ZNF90: variants seen among roughly 807,000 people sequenced by gnomAD.
ZNF90 encodes the protein zinc finger protein HTF9.
Under a neutral mutation model 12.0 loss-of-function variants are expected in ZNF90, and 11 were observed. The observed-to-expected ratio is 0.92, with a 90% confidence interval of 0.58 to 1.52. The LOEUF (loss-of-function observed/expected upper bound fraction) is 1.52, where lower values mean the gene tolerates loss of function less well. ZNF90 is among the 40% of genes most tolerant of loss of function. The pLI, the probability that ZNF90 is intolerant of heterozygous loss-of-function variation, is 0.00. For missense variants in ZNF90, 765 were observed against 711.5 expected (o/e 1.08, Z -0.86); for synonymous variants, 232 against 240.1 (o/e 0.97, Z 0.31).
At chr19:20,102,577 A>T (rs953901492) in intron 1 of ZNF90, among the ~76,000 whole-genome samples, 10 of 152,228 alleles carry the variant, frequency 6.6e-5, no homozygotes, top group African/African-American at 2.4e-4. Context: ...TGCCTTGCTG[A>T]GATGTTCTCT....
chr19:20,080,175 G>T, intron 1 of ZNF90: 1 of 475,798 alleles, frequency 2.1e-6, no homozygotes, highest in Non-Finnish European at 4.1e-6. Context: ...AAGAATTGCT[G>T]CCCAGGGGCA....
At chr19:20,114,030 C>T (rs929595329) in intron 3 of ZNF90, among the ~76,000 whole-genome samples, 3 of 152,182 alleles carry the variant, frequency 2.0e-5, no homozygotes, top group East Asian at 1.9e-4. Flanking sequence ...GGGTGGCTTA[C>T]GCCTGTAATC....
At chr19:20,081,986 G>A (rs1173479602) in intron 1 of ZNF90, among the ~76,000 whole-genome samples, 1 of 151,530 alleles carries the variant, frequency 6.6e-6, no homozygotes, top group Non-Finnish European at 1.5e-5. Context: ...GGAGGGTCTC[G>A]ATCTCCTGAC....
At chr19:20,095,775 G>A (rs1344310392) in intron 1 of ZNF90, among the ~76,000 whole-genome samples, 2 of 151,876 alleles carry the variant, frequency 1.3e-5, no homozygotes, top group Admixed American at 6.6e-5. Flanking sequence ...TGAAGGAGAA[G>A]GGGTTGAGGG....
Position 20,118,911 on chromosome 19 carries a change from T to C in ZNF90, c.1357T>C (p.Tyr453His). Residue 453 changes from tyrosine to histidine, a missense_variant, in exon 4 of 4, where the codon TAC becomes CAC. Transcript: ENST00000418063. ...GATAATTCATAGTGGAGAGAAACCC[T>C]ACAAATGTGAAGAATGTGGCAAAGC... ...HKIIHSGEKP[Y>H]KCEECGKAFK... 1.9e-6 allele frequency: 3 copies of C among 1,613,394 alleles called. No homozygotes were observed. The highest frequency in any genetic ancestry group is 2.2e-5 in the East Asian group (1 of 44,850).
intron 1 of ZNF90, among the ~76,000 whole-genome samples, chr19:20,093,912 A>G (rs1555703006): frequency 6.6e-6 from 1 of 152,192 alleles, no homozygotes; most frequent in African/African-American, 2.4e-5. Flanking sequence ...AGATCTGGGA[A>G]GGAGTCAGTC....
chr19:20,084,585 G>T (rs1262629992), intron 1 of ZNF90, among the ~76,000 whole-genome samples: 1 of 152,066 alleles, frequency 6.6e-6, no homozygotes, highest in Non-Finnish European at 1.5e-5. Flanking sequence ...TACAGTTTTT[G>T]AACTAATTTA....
chr19:20,101,779 T>A (rs2088992312), intron 1 of ZNF90, among the ~76,000 whole-genome samples: 2 of 152,186 alleles, frequency 1.3e-5, no homozygotes, highest in African/African-American at 4.8e-5. Context: ...AAAAAATGGC[T>A]TTTCTTCAGG....
chr19:20,114,916 C>T (rs775054619), intron 3 of ZNF90, among the ~76,000 whole-genome samples: 3 of 151,950 alleles, frequency 2.0e-5, no homozygotes, highest in Non-Finnish European at 4.4e-5. Context: ...GTGTTTATTC[C>T]GTTTTCTTAC....
rs1555706236 is a variant in ZNF90, at chr19:20,119,049, CATAAG to C, written c.1500_1504del (p.Lys500AsnfsTer11). 1 of 1,609,558 alleles carries C rather than the reference CATAAG, an allele frequency of 6.2e-7. No homozygotes were observed. The highest frequency in any genetic ancestry group is 1.3e-5 in the African/African-American group (1 of 74,712). On this transcript the variant is annotated frameshift_variant, in exon 4 of 4. Coordinates refer to ENST00000418063, the MANE Select transcript of ZNF90 (RefSeq NM_007138.2). LOFTEE classifies it low-confidence loss of function (END_TRUNC). Reference sequence around the variant, plus strand: ...CAAGTACTCCTCAGCCCTTAGCACACATAAGATAATTCACAGTGGAGAGAATCCCT... The same window carrying C: ...CAAGTACTCCTCAGCCCTTAGCACACATAATTCACAGTGGAGAGAATCCCT...
intron 3 of ZNF90, among the ~76,000 whole-genome samples, chr19:20,108,514 C>A (rs2089058842): frequency 6.6e-6 from 1 of 152,030 alleles, no homozygotes; most frequent in Admixed American, 6.6e-5. Flanking sequence ...TGGGGTTTCA[C>A]CACGTTGGCC....
At chr19:20,103,134 TCCTCGAGG>T (rs1352496640) in intron 1 of ZNF90, among the ~76,000 whole-genome samples, 6 of 152,280 alleles carry the variant, frequency 3.9e-5, no homozygotes, top group Admixed American at 1.3e-4. Flanking sequence ...GCCATTGCGA[TCCTCGAGG>T]CTGTGAAGGC....
rs1418296204 is a variant in ZNF90, at chr19:20,085,270, T to TTTTTTTTTC, written c.3+7143_3+7144insCTTTTTTTT. On this transcript the variant is annotated intron_variant, in intron 1 of 3. Coordinates refer to ENST00000418063, the MANE Select transcript of ZNF90 (RefSeq NM_007138.2). ...CCTCTCTGTTCTGTTGCATTGGTCT[T>TTTTTTTTTC]TTTTTTTTAGACGGAGTCTCGCTCT... Among the ~76,000 whole-genome samples, 243 of 146,442 alleles carry TTTTTTTTTC rather than the reference T, an allele frequency of 1.7e-3. 7 individuals are homozygous for TTTTTTTTTC. In the East Asian group the frequency reaches 0.035, roughly 21 times the overall value.
At chr19:20,087,967 A>C (rs1555702277) in intron 1 of ZNF90, among the ~76,000 whole-genome samples, 1 of 152,098 alleles carries the variant, frequency 6.6e-6, no homozygotes, top group African/African-American at 2.4e-5. Context: ...TCAACAGTTA[A>C]GGCAAGGACC....
chr19:20,086,195 T>C (rs947824803), intron 1 of ZNF90, among the ~76,000 whole-genome samples: 2 of 152,044 alleles, frequency 1.3e-5, no homozygotes, highest in Non-Finnish European at 2.9e-5. Flanking sequence ...GTTTGCAGAC[T>C]ACCTGCATTC....
rs144236211 is a variant in ZNF90, at chr19:20,107,010, G to A, written c.226+1694G>A. The A allele has an allele frequency of 8.1e-3, 3,683 of 454,516 alleles. 25 individuals carry two copies. Among genetic ancestry groups the A allele is most frequent in the Non-Finnish European group, 0.012 (2,696 of 226,788 alleles). 28.2% of individuals were successfully genotyped at this position (454,516 alleles called of 1,614,324 possible). A position where few individuals can be genotyped will look rare whatever the true frequency, so the allele number is the denominator to read the frequency against. ...CACTAGGGCATGTTTTTGCAGTCGG[G>A]TCTGCATATGGTGGGCCTTGTATCA... On this transcript the variant is annotated intron_variant, in intron 3 of 3. Transcript: ENST00000418063.
At chr19:20,097,123 G>A (rs1416748543) in intron 1 of ZNF90, among the ~76,000 whole-genome samples, 6 of 152,126 alleles carry the variant, frequency 3.9e-5, no homozygotes, top group African/African-American at 1.4e-4. Context: ...AGTCACTTAA[G>A]CAGATTGACT....
rs782621723 is a variant in ZNF90, at chr19:20,084,392, G to A, written c.3+6257G>A. On this transcript the variant is annotated intron_variant, in intron 1 of 3. Coordinates refer to ENST00000418063, the MANE Select transcript of ZNF90 (RefSeq NM_007138.2). ...TATTTTCTTTATCCAGTCTACCATT[G>A]ATAGGCATTTACAGCCTGTCCATGT... 2.0e-5 allele frequency among the ~76,000 whole-genome samples: 3 copies of A among 152,134 alleles called. No individual in the cohort carries two copies. In the South Asian group the frequency reaches 6.2e-4, roughly 32 times the overall value.
chr19:20,094,325 G>T (rs188222455), intron 1 of ZNF90, among the ~76,000 whole-genome samples: 1 of 152,244 alleles, frequency 6.6e-6, no homozygotes, highest in Non-Finnish European at 1.5e-5. Context: ...AAGTTTTTTT[G>T]TAATGTCAGG....
Sources: gnomAD v4.1 joint callset for allele counts (sites outside exome capture counted in the v4.1 genomes callset) on GRCh38, gnomAD v4.1.1 for gene constraint, MANE v1.5 for transcripts, NCBI Gene and HGNC (gene_info 2026-07-23, HGNC 2026-07-21) for gene names.